The following TENM3 variants were observed in gnomAD, a reference collection of about 807,000 sequenced individuals.
TENM3 encodes the protein teneurin transmembrane protein 3.
In TENM3, 63 loss-of-function variants were observed where a neutral mutation model predicts 255.1. The ratio of observed to expected loss-of-function variants is 0.25; its 90% CI spans 0.20 to 0.30. The LOEUF is 0.30. Among genes scored for constraint, TENM3 ranks in the 10% least tolerant of loss-of-function variants. The pLI, the probability that TENM3 is intolerant of heterozygous loss-of-function variation, is 1.00. For missense variants in TENM3, 2,929 were observed against 3,461.1 expected, an observed-to-expected ratio of 0.85 and a Z score of 3.86; for synonymous variants, 1,306 against 1,322.3, an observed-to-expected ratio of 0.99 and a Z score of 0.27.
chr4:182,064,718 G>A, the TENM3 span, among the ~76,000 whole-genome samples: 1 of 152,200 alleles, frequency 6.6e-6, no homozygotes, highest in Admixed American at 6.5e-5. Context: ...GCCCCGGGGA[G>A]AGACTGGGAA....
rs1469801630 is a variant in TENM3 at position 182,161,143 on chromosome 4, G to A, written c.-76+16389G>A. On this transcript the variant is annotated intron_variant, in intron 1 of 2. Coordinates refer to the TENM3 transcript ENST00000512480. Reference sequence around the variant, plus strand: ...AAAATACAAAAATTAGCGGCCGGGCGCGGTGGCTCACGCCTGTAATCCCAG... The same window carrying A: ...AAAATACAAAAATTAGCGGCCGGGCACGGTGGCTCACGCCTGTAATCCCAG... 4.7e-5 allele frequency among the ~76,000 whole-genome samples: 7 copies of A among 148,086 alleles called. 1 individual carries two copies. Among genetic ancestry groups the A allele is most frequent in the African/African-American group, 9.9e-5 (4 of 40,318 alleles).
At chr4:181,689,480 C>T in the TENM3 span, among the ~76,000 whole-genome samples, 1 of 152,292 alleles carries the variant, frequency 6.6e-6, no homozygotes, top group East Asian at 1.9e-4. Context: ...AAATTCACAT[C>T]TACCAGGCAT....
At chr4:182,129,210 GTAGA>G in the TENM3 span, among the ~76,000 whole-genome samples, 2 of 152,208 alleles carry the variant, frequency 1.3e-5, no homozygotes, top group African/African-American at 4.8e-5. Context: ...GCAGTCAGCA[GTAGA>G]TAGATTGTGT....
At chr4:181,577,442 C>T in the TENM3 span, among the ~76,000 whole-genome samples, 2 of 151,898 alleles carry the variant, frequency 1.3e-5, no homozygotes, top group East Asian at 3.9e-4. Flanking sequence ...CTGATCAGAA[C>T]CTTTCATGGA....
chr4:182,183,389 A>G (rs1229161990), intron 1 of TENM3, among the ~76,000 whole-genome samples: 1 of 152,078 alleles, frequency 6.6e-6, no homozygotes, highest in African/African-American at 2.4e-5. Context: ...TTCATGCTCA[A>G]AGGAGCTGGA....
At chr4:182,124,085 T>C in the TENM3 span, among the ~76,000 whole-genome samples, 1 of 152,198 alleles carries the variant, frequency 6.6e-6, no homozygotes, top group Non-Finnish European at 1.5e-5. Context: ...GGAGTCTCAC[T>C]CCGTTATCCA....
intron 1 of TENM3, among the ~76,000 whole-genome samples, chr4:182,268,463 G>C (rs1459060700): frequency 6.6e-6 from 1 of 152,062 alleles, no homozygotes; most frequent in African/African-American, 2.4e-5. Flanking sequence ...TAAAAGGGAG[G>C]GGGGAAATGT....
the TENM3 span, among the ~76,000 whole-genome samples, chr4:182,042,679 A>T: frequency 1.3e-5 from 2 of 152,226 alleles, no homozygotes; most frequent in African/African-American, 4.8e-5. Context: ...AGAGAAATTG[A>T]GTTATACGAG....
At chr4:181,749,494 C>T in the TENM3 span, among the ~76,000 whole-genome samples, 1 of 152,068 alleles carries the variant, frequency 6.6e-6, no homozygotes, top group Non-Finnish European at 1.5e-5. Flanking sequence ...AATAAGAAAA[C>T]TCATTTCTGC....
At chr4:181,619,837 C>T in the TENM3 span, among the ~76,000 whole-genome samples, 1 of 152,230 alleles carries the variant, frequency 6.6e-6, no homozygotes, top group South Asian at 2.1e-4. Flanking sequence ...GCCCCAGGCT[C>T]CCGGAGCAGG....
the TENM3 span, among the ~76,000 whole-genome samples, chr4:181,473,686 T>A: frequency 6.9e-6 from 1 of 145,574 alleles, no homozygotes; most frequent in African/African-American, 2.4e-5. Context: ...AGACAAGACA[T>A]GCCTATGGGT....
At chr4:181,498,450 C>T in the TENM3 span, among the ~76,000 whole-genome samples, 1 of 147,690 alleles carries the variant, frequency 6.8e-6, no homozygotes, top group Admixed American at 7.1e-5. Context: ...TTACACACTC[C>T]CTGCTCCCAG....
chr4:181,793,273 A>T, the TENM3 span, among the ~76,000 whole-genome samples: 1 of 152,128 alleles, frequency 6.6e-6, no homozygotes, highest in African/African-American at 2.4e-5. Flanking sequence ...TCTTTCTTCT[A>T]AGGCAAAATC....
intron 19 of TENM3, among the ~76,000 whole-genome samples, chr4:182,750,702 G>A (rs1317364210): frequency 6.6e-6 from 1 of 152,178 alleles, no homozygotes; most frequent in Non-Finnish European, 1.5e-5. Flanking sequence ...CTGTGTGTGT[G>A]TGTGTGTTCG....
At chr4:182,430,865 A>C (rs1771578293) in intron 3 of TENM3, among the ~76,000 whole-genome samples, 2 of 151,646 alleles carry the variant, frequency 1.3e-5, no homozygotes, top group Non-Finnish European at 2.9e-5. Context: ...TACAAAAATT[A>C]ACTGGGCATG....
chr4:181,564,578 T>C, the TENM3 span, among the ~76,000 whole-genome samples: 1 of 152,134 alleles, frequency 6.6e-6, no homozygotes, highest in East Asian at 1.9e-4. Context: ...AAACAGTGTG[T>C]ATGGAACTTA....
At chr4:182,346,995 C>CGGGG (rs11373586) in intron 3 of TENM3, 66 bp downstream of exon 3, 8 of 846,802 alleles carry the variant, frequency 9.4e-6, no homozygotes, top group South Asian at 2.5e-5. Context: ...GTTGACTCCG[C>CGGGG]GGGGGGGGAT....
intron 3 of TENM3, among the ~76,000 whole-genome samples, chr4:182,451,240 C>T (rs540747993): frequency 4.1e-4 from 62 of 152,176 alleles, no homozygotes; most frequent in African/African-American, 1.4e-3. Context: ...TGTTGCGTCA[C>T]GTTTCTTAGA....
the TENM3 span, among the ~76,000 whole-genome samples, chr4:181,809,771 C>T: frequency 6.6e-6 from 1 of 152,016 alleles, no homozygotes; most frequent in Non-Finnish European, 1.5e-5. Context: ...TCACAAGGGT[C>T]CTTATAAGCA....
Sources: gnomAD v4.1 joint callset for allele counts (sites outside exome capture counted in the v4.1 genomes callset) on GRCh38, gnomAD v4.1.1 for gene constraint, MANE v1.5 for transcripts, NCBI Gene and HGNC (gene_info 2026-07-23, HGNC 2026-07-21) for gene names.